TPTE: variants seen among roughly 807,000 people sequenced by gnomAD.
TPTE encodes the protein putative tyrosine-protein phosphatase TPTE.
TPTE carries 59 observed loss-of-function variants against 84.1 expected under a neutral mutation model. That is an observed-to-expected ratio of 0.70 (90% CI 0.57 to 0.87). The LOEUF is 0.87. Ranked by LOEUF, TPTE falls within the 40% of genes least tolerant of loss-of-function variation. The pLI is 0.00. For missense variants in TPTE, 382 were observed against 659.6 expected (o/e 0.58, Z 4.61); for synonymous variants, 130 against 223.5 (o/e 0.58, Z 3.73).
chr21:10,531,682 A>G (rs1226724691), intron 3 of TPTE, among the ~76,000 whole-genome samples: 1 of 152,308 alleles, frequency 6.6e-6, no homozygotes, highest in African/African-American at 2.4e-5. Context: ...TAGCTTTGGC[A>G]TTGTTGTTCT....
chr21:10,528,478 C>T (rs1247643462), intron 3 of TPTE, among the ~76,000 whole-genome samples: 2 of 152,300 alleles, frequency 1.3e-5, no homozygotes, highest in Admixed American at 6.5e-5. Context: ...CTTTTAGATT[C>T]AAGGAATTTT....
At chr21:10,521,989 T>C (rs469877) in intron 1 of TPTE, among the ~76,000 whole-genome samples, 133,243 of 152,090 alleles carry the variant, frequency 0.88, 57,206 homozygotes, top group Non-Finnish European at 0.96. Flanking sequence ...TGAGTGGTGT[T>C]AGCTCAGTCC....
intron 10 of TPTE, among the ~76,000 whole-genome samples, chr21:10,565,383 C>T (rs1190762697): frequency 6.6e-6 from 1 of 152,306 alleles, no homozygotes; most frequent in Admixed American, 6.5e-5. Flanking sequence ...AAGGAGATTC[C>T]ATGTTCATGG....
intron 17 of TPTE, among the ~76,000 whole-genome samples, chr21:10,588,197 GTT>G (rs56003123): frequency 0.19 from 28,044 of 147,388 alleles, 4 homozygotes; most frequent in African/African-American, 0.24. Context: ...TTTCTTGAGT[GTT>G]TTTTTTTTTT....
chr21:10,556,886 GTTGT>G (rs1376680663), intron 8 of TPTE, among the ~76,000 whole-genome samples: 2 of 152,290 alleles, frequency 1.3e-5, no homozygotes, highest in Admixed American at 6.5e-5. Flanking sequence ...TTTTGATGGG[GTTGT>G]TTGATTTTTT....
intron 23 of TPTE, among the ~76,000 whole-genome samples, chr21:10,603,903 T>C (rs1342372246): frequency 1.8e-4 from 27 of 152,250 alleles, no homozygotes; most frequent in Non-Finnish European, 3.2e-4. Context: ...TTAAGTGTGG[T>C]AGTAAATTCC....
At chr21:10,601,305 C>G (rs1978471294) in intron 21 of TPTE, among the ~76,000 whole-genome samples, 1 of 152,424 alleles carries the variant, frequency 6.6e-6, no homozygotes, top group East Asian at 1.9e-4. Flanking sequence ...GAGATCGAGA[C>G]CATCCTGGTC....
rs1168120743 is a variant in TPTE, at chr21:10,560,679, G to C, written c.285-351G>C. ...AGGGTTTATTTTTTATGAGAAATTGGTATAAACTTCTTATGAAATTCGCAA... is the reference window on the plus strand; with the variant it reads ...AGGGTTTATTTTTTATGAGAAATTGCTATAAACTTCTTATGAAATTCGCAA... On this transcript the variant is annotated intron_variant, in intron 9 of 23. Coordinates refer to ENST00000618007, the MANE Select transcript of TPTE (RefSeq NM_199261.4). Among the ~76,000 whole-genome samples, 7 of 152,424 alleles carry C rather than the reference G, an allele frequency of 4.6e-5. No individual in the cohort carries two copies. In the East Asian group the frequency reaches 1.3e-3, roughly 29 times the overall value.
chr21:10,558,108 G>A (rs1364123563), intron 8 of TPTE, among the ~76,000 whole-genome samples: 2 of 152,306 alleles, frequency 1.3e-5, no homozygotes, highest in Non-Finnish European at 1.5e-5. Flanking sequence ...TGGCTGTATA[G>A]TATTCCATGG....
intron 3 of TPTE, among the ~76,000 whole-genome samples, chr21:10,535,795 C>G (rs1424900559): frequency 6.6e-6 from 1 of 152,306 alleles, no homozygotes; most frequent in African/African-American, 2.4e-5. Context: ...AGGCTGGTGC[C>G]CCAAACCCAA....
At chr21:10,581,874 A>G (rs2075277174) in intron 17 of TPTE, among the ~76,000 whole-genome samples, 1 of 152,424 alleles carries the variant, frequency 6.6e-6, no homozygotes, top group African/African-American at 2.4e-5. Context: ...AAGTGGGACT[A>G]CAGGTGAGCG....
At chr21:10,528,881 G>A (rs908497948) in intron 3 of TPTE, among the ~76,000 whole-genome samples, 1 of 152,304 alleles carries the variant, frequency 6.6e-6, no homozygotes, top group Non-Finnish European at 1.5e-5. Context: ...GGAAATGCTG[G>A]TGTGTTTGTC....
At chr21:10,543,530 G>C in intron 7 of TPTE, 148 bp downstream of exon 7, 5 of 1,483,942 alleles carry the variant, frequency 3.4e-6, no homozygotes, top group Non-Finnish European at 4.6e-6. Context: ...TGCACAAAAT[G>C]GAAACACAAA....
chr21:10,588,485 G>A (rs1432105879), intron 17 of TPTE, among the ~76,000 whole-genome samples: 2 of 152,430 alleles, frequency 1.3e-5, no homozygotes, highest in South Asian at 2.1e-4. Context: ...GTGAGTATAT[G>A]CCTTGGTAAT....
At chr21:10,555,558 T>C (rs8131885) in intron 8 of TPTE, among the ~76,000 whole-genome samples, 2,083 of 151,414 alleles carry the variant, frequency 0.014, no homozygotes, top group African/African-American at 0.049. Context: ...GTCTCTCATG[T>C]ATAGCATGTA....
At chr21:10,605,195 T>C (rs1979129206) in intron 23 of TPTE, among the ~76,000 whole-genome samples, 1 of 152,312 alleles carries the variant, frequency 6.6e-6, no homozygotes, top group African/African-American at 2.4e-5. Flanking sequence ...AAAGCAATGC[T>C]AAGAGAGTCA....
intron 17 of TPTE, among the ~76,000 whole-genome samples, chr21:10,583,430 A>T (rs1179479241): frequency 1.3e-5 from 2 of 152,308 alleles, no homozygotes; most frequent in Non-Finnish European, 2.9e-5. Flanking sequence ...TGGATTATTC[A>T]TCTTTTTTTC....
intron 2 of TPTE, among the ~76,000 whole-genome samples, 177 bp downstream of exon 2, chr21:10,524,865 T>C (rs1220612585): frequency 1.3e-5 from 2 of 152,310 alleles, no homozygotes; most frequent in Non-Finnish European, 2.9e-5. Flanking sequence ...TCTGAAGGTA[T>C]GGAATTTGCT....
chr21:10,584,985 C>G (rs1401437666), intron 17 of TPTE, among the ~76,000 whole-genome samples: 1 of 152,426 alleles, frequency 6.6e-6, no homozygotes, highest in African/African-American at 2.4e-5. Context: ...AATCCCAGCA[C>G]TTTGGGAGGC....
Sources: gnomAD v4.1 joint callset for allele counts (sites outside exome capture counted in the v4.1 genomes callset) on GRCh38, gnomAD v4.1.1 for gene constraint, MANE v1.5 for transcripts, NCBI Gene and HGNC (gene_info 2026-07-23, HGNC 2026-07-21) for gene names.